The following RGPD3 variants were observed in gnomAD, a reference collection of about 807,000 sequenced individuals.
RGPD3 encodes the protein RANBP2 like and GRIP domain containing 3, also known as ranBP2-like and GRIP domain-containing protein 3.
RGPD3 carries 62 observed loss-of-function variants against 154.5 expected under a neutral mutation model. The observed-to-expected ratio is 0.40, with a 90% CI of 0.33 to 0.50. The LOEUF is 0.50. Ranked by LOEUF, RGPD3 falls within the 20% of genes least tolerant of loss-of-function variation. The pLI, the probability that RGPD3 is intolerant of heterozygous loss-of-function variation, is 0.59. For missense variants in RGPD3, 919 were observed against 1,716.8 expected, an observed-to-expected ratio of 0.54 and a Z score of 8.21; for synonymous variants, 308 against 607.0, an observed-to-expected ratio of 0.51 and a Z score of 7.24.
intron 6 of RGPD3, among the ~76,000 whole-genome samples, chr2:106,450,052 G>A (rs1200168005): frequency 1.4e-5 from 2 of 144,946 alleles, no homozygotes; most frequent in Non-Finnish European, 1.5e-5. Flanking sequence ...TGGCCAACAT[G>A]ATGAAACCCT....
At position 106,423,656 on chromosome 2, in the gene RGPD3, T is replaced by C. The variant is rs1677076412; in HGVS notation, c.4311A>G (p.Gly1437=). The C allele has an allele frequency of 6.2e-7, 1 of 1,607,356 alleles. No homozygotes were observed. Among genetic ancestry groups the C allele is most frequent in the African/African-American group, 1.4e-5 (1 of 73,550 alleles). Residue 1437 remains glycine (G), a synonymous_variant, in exon 20 of 23, where the codon GGA becomes GGG. Coordinates refer to ENST00000409886, the MANE Select transcript of RGPD3 (RefSeq NM_001144013.2). ...CAGCTAAATGCTCTACTTTTCTTTC[T>C]CCATCTGCAAAATCACATGCAGTCC... ...WVWTACDFAD[G]ERKVEHLAVR... is the part of the protein sequence containing the mutation.
chr2:106,465,162 T>C (rs372778801), intron 1 of RGPD3, among the ~76,000 whole-genome samples: 2 of 150,646 alleles, frequency 1.3e-5, no homozygotes, highest in South Asian at 4.3e-4. Flanking sequence ...TCTGCCAAAC[T>C]GGGGGAGAAT....
At chr2:106,420,769 A>C (rs1449265707) in intron 20 of RGPD3, among the ~76,000 whole-genome samples, 1 of 152,202 alleles carries the variant, frequency 6.6e-6, no homozygotes, top group East Asian at 1.9e-4. Flanking sequence ...CTACTAGAAA[A>C]TTTATTTATT....
chr2:106,418,131 CAAAA>C (rs774150980), intron 20 of RGPD3, among the ~76,000 whole-genome samples: 1 of 143,116 alleles, frequency 7.0e-6, no homozygotes, highest in African/African-American at 2.5e-5. Context: ...CAGCTCAAAA[CAAAA>C]AAACAAACAA....
chr2:106,410,471 G>A (rs1490977841), intron 22 of RGPD3, among the ~76,000 whole-genome samples: 2 of 151,932 alleles, frequency 1.3e-5, no homozygotes, highest in African/African-American at 4.8e-5. Context: ...TAAATCAATG[G>A]ACCCTTAACT....
chr2:106,466,951 G>C (rs1430099968), intron 1 of RGPD3, among the ~76,000 whole-genome samples: 3 of 118,334 alleles, frequency 2.5e-5, no homozygotes, highest in South Asian at 3.3e-4. Flanking sequence ...GAGCCATGAC[G>C]CCTGAGCCAT....
chr2:106,451,734 A>G (rs1349667228), intron 6 of RGPD3, among the ~76,000 whole-genome samples: 2 of 151,832 alleles, frequency 1.3e-5, no homozygotes, highest in African/African-American at 4.9e-5. Context: ...TTAGGAAAAA[A>G]GGTAAATCAC....
chr2:106,460,406 T>C (rs1348923970), intron 1 of RGPD3, among the ~76,000 whole-genome samples: 5 of 150,986 alleles, frequency 3.3e-5, no homozygotes, highest in Non-Finnish European at 5.9e-5. Flanking sequence ...TGTGCCTCAA[T>C]AGTACATGTA....
intron 1 of RGPD3, among the ~76,000 whole-genome samples, chr2:106,462,580 A>G (rs1438871953): frequency 1.3e-5 from 2 of 152,112 alleles, no homozygotes; most frequent in Non-Finnish European, 2.9e-5. Flanking sequence ...AGACCCTAAG[A>G]GATGCCACAT....
chr2:106,461,733 G>A (rs1346889843), intron 1 of RGPD3, among the ~76,000 whole-genome samples: 2 of 151,702 alleles, frequency 1.3e-5, no homozygotes, highest in African/African-American at 4.8e-5. Flanking sequence ...ATGTAAACAA[G>A]GAGGTGAGAG....
intron 1 of RGPD3, among the ~76,000 whole-genome samples, chr2:106,463,390 A>G (rs1329905606): frequency 6.6e-6 from 1 of 152,240 alleles, no homozygotes; most frequent in African/African-American, 2.4e-5. Flanking sequence ...CAGGAGAATC[A>G]CTTGAACCCG....
chr2:106,424,864 C>G lies in RGPD3; in HGVS notation c.3103G>C (p.Asp1035His), dbSNP rs1427722508. The change falls in exon 20 of 23, where the codon GAC becomes CAC. Residue 1035 changes from aspartate to histidine, a missense_variant. Asp to His is a moderately conservative substitution (Grantham distance 81, BLOSUM62 -1). Coordinates refer to ENST00000409886, the MANE Select transcript of RGPD3 (RefSeq NM_001144013.2). ...TGAACTACTGGTTCAAAATGGATGT[C>G]ATCGCTGTCCTCAGTCTTATAGGCA... ...DDAYKTEDSD[D>H]IHFEPVVQMP... The G allele has an allele frequency of 5.6e-6, 9 of 1,611,614 alleles. No homozygotes were observed. Among genetic ancestry groups the G allele is most frequent in the Admixed American group, 1.7e-5 (1 of 59,960 alleles).
intron 6 of RGPD3, among the ~76,000 whole-genome samples, chr2:106,448,033 T>C (rs1484554667): frequency 1.9e-4 from 29 of 151,220 alleles, no homozygotes; most frequent in African/African-American, 6.1e-4. Flanking sequence ...AAGTAAATAA[T>C]TGACAGGTAT....
chr2:106,445,288 C>G (rs570166204), intron 7 of RGPD3, among the ~76,000 whole-genome samples: 2 of 131,362 alleles, frequency 1.5e-5, no homozygotes, highest in African/African-American at 2.8e-5. Context: ...GACTCCGTCT[C>G]AAAAAAAAAA....
rs1676438438 is a variant in RGPD3 at position 106,404,009 on chromosome 2, C to G, written c.*1210G>C. ...AAGAACAACACAGTTTGGATCTAGTCATTAAAACATATGCAGCGGTGTCAA... is the reference window on the plus strand; with the variant it reads ...AAGAACAACACAGTTTGGATCTAGTGATTAAAACATATGCAGCGGTGTCAA... On this transcript the variant is annotated 3_prime_UTR_variant, in exon 23 of 23. Transcript: ENST00000409886. Among the ~76,000 whole-genome samples the G allele has an allele frequency of 6.6e-6, 1 of 152,192 alleles. No homozygotes were observed. The highest frequency in any genetic ancestry group is 1.5e-5 in the Non-Finnish European group (1 of 68,052).
chr2:106,441,216 G>A (rs1340844614), intron 8 of RGPD3, 77 bp downstream of exon 8: 2 of 1,580,646 alleles, frequency 1.3e-6, no homozygotes, highest in East Asian at 2.4e-5. Context: ...TGGACAGACT[G>A]AGATTTTATC....
chr2:106,412,321 T>TTTTTTTTTTTTG (rs1558833076), intron 22 of RGPD3, among the ~76,000 whole-genome samples: 4 of 100,026 alleles, frequency 4.0e-5, no homozygotes, highest in Non-Finnish European at 8.2e-5. Flanking sequence ...TTTTTTTTTT[T>TTTTTTTTTTTTG]TTTTTTTTTT....
intron 21 of RGPD3, among the ~76,000 whole-genome samples, chr2:106,413,584 T>C (rs574151320): frequency 1.3e-5 from 2 of 152,236 alleles, no homozygotes; most frequent in Non-Finnish European, 2.9e-5. Flanking sequence ...TTGGGCTATA[T>C]GACTCCACTG....
chr2:106,429,971 C>A (rs1677318914), intron 17 of RGPD3, among the ~76,000 whole-genome samples, 190 bp from the exon 18 acceptor site: 1 of 152,030 alleles, frequency 6.6e-6, no homozygotes, highest in Non-Finnish European at 1.5e-5. Context: ...GCAACCTCCA[C>A]CTCCTGGGCT....
Sources: gnomAD v4.1 joint callset for allele counts (sites outside exome capture counted in the v4.1 genomes callset) on GRCh38, gnomAD v4.1.1 for gene constraint, MANE v1.5 for transcripts, NCBI Gene and HGNC (gene_info 2026-07-23, HGNC 2026-07-21) for gene names.